The following PRKG1 variants were observed in gnomAD, a reference collection of about 807,000 sequenced individuals.
The protein encoded by PRKG1 is cGMP-dependent protein kinase 1.
In PRKG1, 35 loss-of-function variants were observed where a neutral mutation model predicts 88.1. The observed-to-expected ratio is 0.40, with a 90% CI of 0.30 to 0.53. The LOEUF is 0.53. PRKG1 is among the 20% of genes least tolerant of loss of function. PRKG1 has a pLI of 0.59. For synonymous variants in PRKG1, 303 were observed against 292.5 expected (o/e 1.04, Z -0.37); for missense variants, 540 against 839.8 (o/e 0.64, Z 4.41).
chr10:51,755,338 C>T (rs1463205186), intron 3 of PRKG1, among the ~76,000 whole-genome samples: 1 of 152,202 alleles, frequency 6.6e-6, no homozygotes, highest in African/African-American at 2.4e-5. Flanking sequence ...CTTGTATATT[C>T]TTTAATTCAT....
At chr10:52,006,712 A>G (rs1844745542) in intron 5 of PRKG1, among the ~76,000 whole-genome samples, 1 of 152,258 alleles carries the variant, frequency 6.6e-6, no homozygotes, top group Admixed American at 6.5e-5. Flanking sequence ...TTCAGGTATC[A>G]TCCATGAAAA....
intron 2 of PRKG1, among the ~76,000 whole-genome samples, chr10:51,447,883 G>A (rs1484187974): frequency 6.6e-6 from 1 of 151,958 alleles, no homozygotes; most frequent in Admixed American, 6.6e-5. Flanking sequence ...TTATCATCTA[G>A]CACATGACCA....
intron 1 of PRKG1, among the ~76,000 whole-genome samples, chr10:51,096,524 G>A (rs1006297679): frequency 1.3e-5 from 2 of 152,102 alleles, no homozygotes; most frequent in Admixed American, 1.3e-4. Context: ...CTACACCTTG[G>A]ATTTCTCATC....
intron 2 of PRKG1, among the ~76,000 whole-genome samples, chr10:51,388,896 A>T (rs948229284): frequency 1.3e-5 from 2 of 152,216 alleles, no homozygotes; most frequent in Non-Finnish European, 1.5e-5. Context: ...TACATTTGCA[A>T]TAAAGACAAA....
intron 3 of PRKG1, among the ~76,000 whole-genome samples, chr10:51,549,254 A>G (rs915101541): frequency 1.3e-5 from 2 of 148,760 alleles, no homozygotes; most frequent in Admixed American, 6.8e-5. Flanking sequence ...CTCCCAAAGT[A>G]GCTGGGATTA....
chr10:51,931,166 C>T (rs1171613738), intron 5 of PRKG1, among the ~76,000 whole-genome samples: 1 of 152,158 alleles, frequency 6.6e-6, no homozygotes, highest in African/African-American at 2.4e-5. Context: ...TTTTGTGTCT[C>T]TGGCACATCT....
chr10:52,135,690 A>C (rs7911524), intron 8 of PRKG1, among the ~76,000 whole-genome samples: 22,622 of 152,054 alleles, frequency 0.15, 2,589 homozygotes, highest in African/African-American at 0.31. Context: ...TTTGGTAGGT[A>C]CGATGACATT....
At chr10:51,173,411 AGT>A (rs3998227) in intron 2 of PRKG1, among the ~76,000 whole-genome samples, 1 of 149,850 alleles carries the variant, frequency 6.7e-6, no homozygotes. Flanking sequence ...AGAGTTGGGC[AGT>A]GTGTGTGTGT....
At chr10:51,455,998 T>C (rs1387010368) in intron 2 of PRKG1, among the ~76,000 whole-genome samples, 2 of 152,188 alleles carry the variant, frequency 1.3e-5, no homozygotes, top group African/African-American at 4.8e-5. Flanking sequence ...CTCATGCTGC[T>C]AATAAAGACA....
intron 7 of PRKG1, among the ~76,000 whole-genome samples, chr10:52,065,707 A>G (rs1005464923): frequency 1.3e-5 from 2 of 152,202 alleles, no homozygotes; most frequent in African/African-American, 4.8e-5. Flanking sequence ...GTTGGAAAAA[A>G]TAGTATTTTT....
chr10:51,085,126 G>A (rs1402109967), intron 1 of PRKG1, among the ~76,000 whole-genome samples: 3 of 152,206 alleles, frequency 2.0e-5, no homozygotes, highest in Non-Finnish European at 4.4e-5. Flanking sequence ...TGCTACAGAT[G>A]GAAAATAGGG....
At chr10:51,086,547 G>A (rs1844251795) in intron 1 of PRKG1, among the ~76,000 whole-genome samples, 1 of 152,046 alleles carries the variant, frequency 6.6e-6, no homozygotes, top group South Asian at 2.1e-4. Flanking sequence ...TCTGATATTT[G>A]AAGAGTATCC....
At chr10:51,784,894 G>A (rs534890346) in intron 3 of PRKG1, among the ~76,000 whole-genome samples, 14 of 152,116 alleles carry the variant, frequency 9.2e-5, no homozygotes, top group Non-Finnish European at 1.8e-4. Flanking sequence ...AAGGCCAAGT[G>A]TATTATTAAT....
chr10:51,705,846 TG>T (rs1841592068), intron 3 of PRKG1, among the ~76,000 whole-genome samples: 1 of 152,208 alleles, frequency 6.6e-6, no homozygotes, highest in Admixed American at 6.5e-5. Context: ...TTCTATTAAA[TG>T]AGTTGCCTAA....
At chr10:51,920,790 A>G (rs1842447397) in intron 5 of PRKG1, among the ~76,000 whole-genome samples, 1 of 152,062 alleles carries the variant, frequency 6.6e-6, no homozygotes, top group Admixed American at 6.6e-5. Context: ...TTTTAAACAT[A>G]ACTTTTTTTT....
chr10:51,019,125 G>A (rs1258056037), intron 1 of PRKG1, among the ~76,000 whole-genome samples: 1 of 152,120 alleles, frequency 6.6e-6, no homozygotes, highest in Non-Finnish European at 1.5e-5. Context: ...CCCACTTACA[G>A]CTACTATTAT....
chr10:52,209,301 G>A (rs981046186), intron 9 of PRKG1, among the ~76,000 whole-genome samples: 2 of 152,132 alleles, frequency 1.3e-5, no homozygotes, highest in African/African-American at 4.8e-5. Flanking sequence ...TGGAGCCTGA[G>A]ACCTGAATTA....
At chr10:51,614,402 T>A (rs1010517434) in intron 3 of PRKG1, among the ~76,000 whole-genome samples, 1 of 151,948 alleles carries the variant, frequency 6.6e-6, no homozygotes, top group Admixed American at 6.6e-5. Flanking sequence ...GTGAGTTTCT[T>A]GAAGGCAGCA....
intron 5 of PRKG1, among the ~76,000 whole-genome samples, chr10:52,023,726 G>A (rs1452323422): frequency 2.0e-5 from 3 of 152,178 alleles, no homozygotes; most frequent in African/African-American, 7.2e-5. Flanking sequence ...TTTGAGAAGT[G>A]TCTGTTCATA....
Sources: gnomAD v4.1 joint callset for allele counts (sites outside exome capture counted in the v4.1 genomes callset) on GRCh38, gnomAD v4.1.1 for gene constraint, MANE v1.5 for transcripts, NCBI Gene and HGNC (gene_info 2026-07-23, HGNC 2026-07-21) for gene names.